PCMTD1: variants seen among roughly 807,000 people sequenced by gnomAD.
PCMTD1 encodes the protein protein-L-isoaspartate (D-aspartate) O-methyltransferase domain containing 1, also known as protein-L-isoaspartate O-methyltransferase domain-containing protein 1.
PCMTD1 carries 12 observed loss-of-function variants against 37.6 expected under a neutral mutation model. The ratio of observed to expected loss-of-function variants is 0.32; its 90% CI spans 0.20 to 0.52. The LOEUF is 0.52. Among genes scored for constraint, PCMTD1 ranks in the 20% least tolerant of loss-of-function variants. PCMTD1 has a pLI of 0.97. For synonymous variants in PCMTD1, 117 were observed against 135.8 expected, an observed-to-expected ratio of 0.86 and a Z score of 0.96; for missense variants, 235 against 421.3, an observed-to-expected ratio of 0.56 and a Z score of 3.87.
At chr8:51,843,033 G>C (rs1468507685) in intron 3 of PCMTD1, among the ~76,000 whole-genome samples, 1 of 151,972 alleles carries the variant, frequency 6.6e-6, no homozygotes, top group Non-Finnish European at 1.5e-5. Context: ...ACTTTGCATA[G>C]CAAGTTTGTA....
chr8:51,885,064 G>C (rs562776386), intron 1 of PCMTD1, among the ~76,000 whole-genome samples: 1 of 152,050 alleles, frequency 6.6e-6, no homozygotes, highest in African/African-American at 2.4e-5. Context: ...ACTGGACCCA[G>C]ATTTATATAA....
At chr8:51,855,956 C>G (rs573512102) in intron 2 of PCMTD1, among the ~76,000 whole-genome samples, 1 of 152,212 alleles carries the variant, frequency 6.6e-6, no homozygotes, top group Non-Finnish European at 1.5e-5. Context: ...ACTGAGCCAC[C>G]GCGCCTGGCC....
At chr8:51,845,820 CTT>C (rs535280139) in intron 2 of PCMTD1, 57 bp from the exon 3 acceptor site, 1 of 1,221,530 alleles carries the variant, frequency 8.2e-7, no homozygotes, top group Non-Finnish European at 1.2e-6. Flanking sequence ...TTACAGAGCT[CTT>C]TTTTAAGTTC....
chr8:51,826,761 G>A (rs917223996), intron 5 of PCMTD1, among the ~76,000 whole-genome samples: 1 of 152,100 alleles, frequency 6.6e-6, no homozygotes, highest in African/African-American at 2.4e-5. Flanking sequence ...ATAGCTCAAT[G>A]TGATATAGTC....
chr8:51,829,122 ATTTC>A (rs2037963698), intron 5 of PCMTD1, among the ~76,000 whole-genome samples: 1 of 152,178 alleles, frequency 6.6e-6, no homozygotes, highest in South Asian at 2.1e-4. Context: ...TGACTGCTTA[ATTTC>A]TTTCTAAATG....
At chr8:51,867,797 T>C (rs1399982166) in intron 1 of PCMTD1, among the ~76,000 whole-genome samples, 1 of 151,982 alleles carries the variant, frequency 6.6e-6, no homozygotes, top group Non-Finnish European at 1.5e-5. Context: ...GAATGATGAT[T>C]ACCAGAGGCT....
intron 1 of PCMTD1, among the ~76,000 whole-genome samples, chr8:51,882,553 G>T (rs913602407): frequency 3.3e-5 from 5 of 152,150 alleles, no homozygotes; most frequent in African/African-American, 1.2e-4. Flanking sequence ...CAAAGTAAGG[G>T]TCTATATGCT....
At position 51,838,404 on chromosome 8, in the gene PCMTD1, G is replaced by A. The variant is rs141481581; in HGVS notation, c.411-4715C>T. Among the ~76,000 whole-genome samples the A allele has an allele frequency of 5.0e-4, 76 of 151,914 alleles. 2 individuals are homozygous for A. Among genetic ancestry groups the A allele is most frequent in the African/African-American group, 9.7e-5 (4 of 41,352 alleles). ...CTCCAAAGGCCAAGGTGGGAAGATC[G>A]CTTGAGCCCACAAGCTGTAAACTAC... On this transcript the variant is annotated intron_variant, in intron 3 of 5. Transcript: ENST00000522514.
At chr8:51,830,770 T>C (rs1018417873) in intron 5 of PCMTD1, among the ~76,000 whole-genome samples, 3 of 152,372 alleles carry the variant, frequency 2.0e-5, no homozygotes, top group Admixed American at 1.3e-4. Flanking sequence ...AATCTTGATG[T>C]GGCAAGTTCT....
chr8:51,860,979 T>G lies in PCMTD1; in HGVS notation c.173A>C (p.His58Pro). Residue 58 changes from histidine to proline, a missense_variant, in exon 2 of 6, where the codon CAT (histidine) becomes CCT (proline). Coordinates refer to ENST00000522514, the MANE Select transcript of PCMTD1 (RefSeq NM_052937.4). ...DNAYKDLAWK[H>P]GNIHLSAPCI... ...AGGTGCTGACAAGTGGATGTTTCCA[T>G]GCTTCCAGGCTAAGTCTTTGTAAGC... The G allele has an allele frequency of 1.2e-6, 2 of 1,614,188 alleles. No homozygotes were observed. Among genetic ancestry groups the G allele is most frequent in the Non-Finnish European group, 1.7e-6 (2 of 1,180,028 alleles).
intron 5 of PCMTD1, among the ~76,000 whole-genome samples, chr8:51,827,716 T>TATC (rs1187390428): frequency 6.6e-6 from 1 of 152,184 alleles, no homozygotes; most frequent in Non-Finnish European, 1.5e-5. Flanking sequence ...CTTCAACAAT[T>TATC]ATCACTCTTC....
At chr8:51,832,356 T>C (rs372009406) in intron 4 of PCMTD1, among the ~76,000 whole-genome samples, 4 of 152,216 alleles carry the variant, frequency 2.6e-5, no homozygotes, top group East Asian at 1.9e-4. Flanking sequence ...TAAAAATGAA[T>C]ATTTATATAC....
At chr8:51,828,458 T>C (rs949614337) in intron 5 of PCMTD1, among the ~76,000 whole-genome samples, 1 of 152,194 alleles carries the variant, frequency 6.6e-6, no homozygotes, top group Non-Finnish European at 1.5e-5. Context: ...TGACTTATAA[T>C]GGTTCAATGT....
intron 3 of PCMTD1, chr8:51,844,894 AG>A (rs1477007719): frequency 6.6e-6 from 1 of 152,194 alleles, no homozygotes; most frequent in African/African-American, 2.4e-5. Context: ...TGTTCTTTAA[AG>A]TGACTGTTCT....
chr8:51,868,030 C>A (rs948718548), intron 1 of PCMTD1, among the ~76,000 whole-genome samples: 3 of 152,182 alleles, frequency 2.0e-5, no homozygotes, highest in Middle Eastern at 3.4e-3. Flanking sequence ...AATTTTTTAA[C>A]TGGCCTGATT....
chr8:51,885,675 A>G (rs2129293623), intron 1 of PCMTD1, among the ~76,000 whole-genome samples: 1 of 152,360 alleles, frequency 6.6e-6, no homozygotes, highest in East Asian at 1.9e-4. Flanking sequence ...CAAAGGAGCT[A>G]TCTGCAGAAA....
chr8:51,833,419 T>G, intron 4 of PCMTD1, 99 bp downstream of exon 4: 2 of 965,260 alleles, frequency 2.1e-6, no homozygotes, highest in South Asian at 3.8e-5. Flanking sequence ...AATTTTTTCT[T>G]TAAAAGTTAC....
intron 2 of PCMTD1, among the ~76,000 whole-genome samples, chr8:51,854,433 C>T (rs138317584): frequency 1.3e-4 from 20 of 151,916 alleles, no homozygotes. Flanking sequence ...AGAACAAGAG[C>T]AGAAAAAAGA....
intron 1 of PCMTD1, among the ~76,000 whole-genome samples, chr8:51,867,217 AGAG>A (rs555806767): frequency 7.3e-4 from 111 of 152,196 alleles, no homozygotes; most frequent in Non-Finnish European, 1.3e-3. Flanking sequence ...TGTAGAGAAA[AGAG>A]AACCCTTGTG....
Sources: gnomAD v4.1 joint callset for allele counts (sites outside exome capture counted in the v4.1 genomes callset) on GRCh38, gnomAD v4.1.1 for gene constraint, MANE v1.5 for transcripts, NCBI Gene and HGNC (gene_info 2026-07-23, HGNC 2026-07-21) for gene names.